TUBGCP3: variants seen among roughly 807,000 people sequenced by gnomAD.
TUBGCP3 encodes tubulin gamma complex component 3, also known as gamma-tubulin complex component 3.
In TUBGCP3, 50 loss-of-function variants were observed where a neutral mutation model predicts 123.1. That is an observed-to-expected ratio of 0.41 (90% CI 0.32 to 0.51). The LOEUF is 0.51. Among genes scored for constraint, TUBGCP3 ranks in the 20% least tolerant of loss-of-function variants. The probability of loss-of-function intolerance (pLI) is 0.36; values close to 1 mark genes in which losing one functional copy is unlikely to be tolerated. For missense variants in TUBGCP3, 882 were observed against 1,127.0 expected, an observed-to-expected ratio of 0.78 and a Z score of 3.11; for synonymous variants, 405 against 413.9, an observed-to-expected ratio of 0.98 and a Z score of 0.26.
At chr13:112,523,815 C>T (rs1482782488) in intron 13 of TUBGCP3, among the ~76,000 whole-genome samples, 1 of 152,176 alleles carries the variant, frequency 6.6e-6, no homozygotes, top group Non-Finnish European at 1.5e-5. Flanking sequence ...ACTATTTATT[C>T]TTTATTCACA....
intron 1 of TUBGCP3, among the ~76,000 whole-genome samples, chr13:112,577,276 G>A (rs1881895926): frequency 1.3e-5 from 2 of 152,124 alleles, no homozygotes; most frequent in Non-Finnish European, 1.5e-5. Flanking sequence ...CCTTAGCCAA[G>A]CGATCAAGGT....
intron 8 of TUBGCP3, among the ~76,000 whole-genome samples, chr13:112,551,121 A>C (rs1485282702): frequency 6.6e-6 from 1 of 152,148 alleles, no homozygotes; most frequent in Non-Finnish European, 1.5e-5. Context: ...ACAAAAACAA[A>C]ACCTGCTGAA....
chr13:112,602,057 G>A, the TUBGCP3 span, among the ~76,000 whole-genome samples: 1 of 152,234 alleles, frequency 6.6e-6, no homozygotes, highest in Non-Finnish European at 1.5e-5. Flanking sequence ...AGAAGTGGAA[G>A]CTGCAGTCTG....
chr13:112,515,328 A>G (rs1876016602), intron 17 of TUBGCP3, among the ~76,000 whole-genome samples: 1 of 152,180 alleles, frequency 6.6e-6, no homozygotes, highest in African/African-American at 2.4e-5. Context: ...TAAATCCACT[A>G]CAAGAAAGAT....
chr13:112,497,710 T>A (rs575449011), intron 20 of TUBGCP3, among the ~76,000 whole-genome samples: 4 of 152,214 alleles, frequency 2.6e-5, no homozygotes, highest in Non-Finnish European at 5.9e-5. Context: ...CAGCCTATGC[T>A]CCTAGGCTAC....
chr13:112,571,387 C>A (rs575995316), intron 1 of TUBGCP3, among the ~76,000 whole-genome samples: 39 of 152,324 alleles, frequency 2.6e-4, no homozygotes, highest in African/African-American at 9.1e-4. Context: ...AGTAAGGAAT[C>A]TTTTTCTGAG....
chr13:112,585,458 G>A (rs1382161871), intron 1 of TUBGCP3, among the ~76,000 whole-genome samples: 5 of 152,160 alleles, frequency 3.3e-5, no homozygotes, highest in Admixed American at 3.3e-4. Context: ...TGGACTTCAT[G>A]ACATAATTTA....
intron 3 of TUBGCP3, among the ~76,000 whole-genome samples, chr13:112,562,817 C>T (rs886965848): frequency 1.3e-5 from 2 of 152,236 alleles, no homozygotes; most frequent in African/African-American, 4.8e-5. Flanking sequence ...AAAGTCTTAT[C>T]GGGACATGGT....
chr13:112,520,125 CAA>C, intron 14 of TUBGCP3, 104 bp from the exon 15 acceptor site: 1 of 1,154,764 alleles, frequency 8.7e-7, no homozygotes, highest in Non-Finnish European at 1.2e-6. Flanking sequence ...TATAAAAACT[CAA>C]AAGACAAATG....
intron 16 of TUBGCP3, 148 bp from the exon 17 acceptor site, chr13:112,516,723 C>T (rs528737832): frequency 1.1e-6 from 1 of 878,448 alleles, no homozygotes; most frequent in African/African-American, 1.7e-5. Context: ...AGAAGGCAGG[C>T]ATTTTTATGC....
At chr13:112,565,084 A>C (rs1414933601) in intron 3 of TUBGCP3, 27 bp downstream of exon 3, 2 of 1,605,036 alleles carry the variant, frequency 1.2e-6, no homozygotes, top group Non-Finnish European at 1.7e-6. Context: ...CAATGAGTGC[A>C]ATGACCTCCA....
chr13:112,548,959 A>C (rs1165997032), intron 8 of TUBGCP3, among the ~76,000 whole-genome samples: 2 of 152,204 alleles, frequency 1.3e-5, no homozygotes, highest in African/African-American at 4.8e-5. Context: ...TAGAAATACC[A>C]TTTGACCCAG....
At chr13:112,550,016 A>G (rs79456649) in intron 8 of TUBGCP3, among the ~76,000 whole-genome samples, 2 of 142,872 alleles carry the variant, frequency 1.4e-5, no homozygotes, top group South Asian at 4.3e-4. Flanking sequence ...AAAAAAAAAA[A>G]TACTGAAAGG....
chr13:112,522,343 T>C lies in TUBGCP3; in HGVS notation c.1722A>G (p.Ile574Met). ...ACTTTAGCAAGTCCATTAAGTGCCT[T>C]ATAAAGTCTCCTTGACCAAGAAGCA... ...RYLLLGQGDF[I>M]RHLMDLLKPE... The change falls in exon 14 of 22, where the codon ATA becomes ATG. Residue 574 changes from isoleucine (I) to methionine (M), a missense_variant. Coordinates refer to ENST00000261965, the MANE Select transcript of TUBGCP3 (RefSeq NM_006322.6). 1 of 1,608,036 alleles carries C rather than the reference T, an allele frequency of 6.2e-7. No individual in the cohort carries two copies. Among genetic ancestry groups the C allele is most frequent in the Non-Finnish European group, 8.5e-7 (1 of 1,175,334 alleles).
upstream of TUBGCP3, among the ~76,000 whole-genome samples, chr13:112,592,923 A>G (rs1882907096): frequency 2.0e-5 from 3 of 152,270 alleles, no homozygotes; most frequent in South Asian, 4.1e-4. This position sits in a 1 kb window ranked among gnomAD's most constrained non-coding sequence, Gnocchi z 4.1. Context: ...CTTTCCAGGC[A>G]GCATGTTGCA....
chr13:112,561,660 C>T (rs1391711281), intron 3 of TUBGCP3, among the ~76,000 whole-genome samples: 5 of 152,258 alleles, frequency 3.3e-5, no homozygotes, highest in East Asian at 1.9e-4. Context: ...TGGAACAAGA[C>T]GCAACACTTC....
chr13:112,490,567 A>T (rs1442170120), intron 20 of TUBGCP3, among the ~76,000 whole-genome samples: 2 of 152,210 alleles, frequency 1.3e-5, no homozygotes, highest in Non-Finnish European at 2.9e-5. Flanking sequence ...GATTTAATTC[A>T]CTTGTCAAAT....
In TUBGCP3 at chr13:112,508,294, T is replaced by G. The variant is rs2139017981; in HGVS notation, c.2087-3580A>C. Among the ~76,000 whole-genome samples the G allele has an allele frequency of 6.6e-6, 1 of 152,256 alleles. No homozygotes were observed. Among genetic ancestry groups the G allele is most frequent in the East Asian group, 1.9e-4 (1 of 5,170 alleles). On this transcript the variant is annotated intron_variant, in intron 17 of 21. Transcript: ENST00000261965. The surrounding 1 kb of genome is among the most constrained non-coding windows in gnomAD (Gnocchi z 4.2). The stretch of plus-strand genomic sequence containing the variant: ...TCCTCTGTGATTTTCAGCCTCCCCC[T>G]CCTTCTCCATATCGGCATCTCAAAC...
chr13:112,560,415 G>A (rs955729369), intron 3 of TUBGCP3, among the ~76,000 whole-genome samples: 16 of 151,090 alleles, frequency 1.1e-4, no homozygotes, highest in Non-Finnish European at 2.2e-4. Context: ...GGGCGACAGA[G>A]CGAGACTCCG....
Sources: gnomAD v4.1 joint callset for allele counts (sites outside exome capture counted in the v4.1 genomes callset) on GRCh38, gnomAD v4.1.1 for gene constraint, Gnocchi (gnomAD v3.1) non-coding constraint, MANE v1.5 for transcripts, NCBI Gene and HGNC (gene_info 2026-07-23, HGNC 2026-07-21) for gene names.